Variants in TP53I13 observed in about 807,000 individuals in gnomAD.
TP53I13 encodes tumor protein p53-inducible protein 13.
TP53I13 carries 27 observed loss-of-function variants against 39.1 expected under a neutral mutation model. The observed-to-expected ratio is 0.69, with a 90% confidence interval of 0.51 to 0.95. The LOEUF (loss-of-function observed/expected upper bound fraction) is 0.95, where lower values mean the gene tolerates loss of function less well. TP53I13 is among the 40% of genes least tolerant of loss of function. The probability of loss-of-function intolerance (pLI) is 0.00; values close to 1 mark genes in which losing one functional copy is unlikely to be tolerated. For missense variants in TP53I13, 544 were observed against 520.4 expected, an observed-to-expected ratio of 1.05 and a Z score of -0.44; for synonymous variants, 230 against 224.6, an observed-to-expected ratio of 1.02 and a Z score of -0.22.
At chr17:29,581,900 A>G in the TP53I13 span, 2 of 1,391,614 alleles carry the variant, frequency 1.4e-6, no homozygotes, top group Non-Finnish European at 1.0e-6. This position sits in a 1 kb window ranked among gnomAD's most constrained non-coding sequence, Gnocchi z 4.8. Context: ...CCACCCACCC[A>G]CACTGCACCC....
chr17:29,581,609 G>A, the TP53I13 span: 1 of 735,772 alleles, frequency 1.4e-6, no homozygotes, highest in Non-Finnish European at 2.3e-6. The surrounding 1 kb of genome is among the most constrained non-coding windows in gnomAD (Gnocchi z 4.8). Flanking sequence ...AATTTCACAG[G>A]AGCCAGTTGC....
intron 4 of TP53I13, 45 bp from the exon 5 acceptor site, chr17:29,571,812 T>C: frequency 6.2e-7 from 1 of 1,612,698 alleles, no homozygotes; most frequent in South Asian, 1.1e-5. Context: ...TCCTCTTGTT[T>C]GTCCCCACCT....
Position 29,572,265 on chromosome 17 carries a change from C to T in TP53I13, c.637C>T (p.Pro213Ser), listed in dbSNP as rs1173493120. The T allele has an allele frequency of 6.2e-7, 1 of 1,612,690 alleles. No homozygotes were observed. Among genetic ancestry groups the T allele is most frequent in the Non-Finnish European group, 8.5e-7 (1 of 1,180,016 alleles). Residue 213 changes from proline to serine, a missense_variant, in exon 6 of 7, where the codon CCC becomes TCC. Physicochemically the swap from Pro to Ser is moderately conservative, Grantham distance 74 (BLOSUM62 -1). Transcript: ENST00000301057. ...KRRRLRAALGPQPTRSALRFP... is the reference protein window; with the variant it reads ...KRRRLRAALGSQPTRSALRFP... ...GCGGAGGCTGCGGGCTGCCCTTGGT[C>T]CCCAGCCCACTCGCTCAGCCCTGAG...
downstream of TP53I13, chr17:29,576,372 G>C: frequency 1.2e-6 from 2 of 1,613,470 alleles, no homozygotes; most frequent in African/African-American, 1.3e-5. Flanking sequence ...TGTTCCGCCC[G>C]TTCACTGGGG....
intron 3 of TP53I13, 76 bp downstream of exon 3, chr17:29,569,435 G>C: frequency 6.8e-7 from 1 of 1,461,408 alleles, no homozygotes; most frequent in Non-Finnish European, 9.4e-7. Flanking sequence ...TTCGCTGCCT[G>C]TTCTGCTGAT....
At chr17:29,577,316 A>C, downstream of TP53I13, 1 of 1,155,062 alleles carries the variant, frequency 8.7e-7, no homozygotes, top group South Asian at 1.3e-5. Context: ...GGCAGGGACC[A>C]AGTAGCAAGG....
chr17:29,566,959 G>T (rs760360923), upstream of TP53I13: 30 of 1,378,934 alleles, frequency 2.2e-5, no homozygotes, highest in South Asian at 5.1e-4. Flanking sequence ...GGCGCCCCAC[G>T]GCGGCATGGC....
the TP53I13 span, among the ~76,000 whole-genome samples, chr17:29,580,292 A>G: frequency 1.3e-5 from 2 of 152,216 alleles, no homozygotes; most frequent in East Asian, 3.9e-4. Flanking sequence ...GCATGCACAC[A>G]CAACCCAGGT....
At position 29,572,659 on chromosome 17, in the gene TP53I13, A is replaced by G; in HGVS notation, c.1031A>G (p.Tyr344Cys). 1.3e-6 allele frequency: 2 copies of G among 1,581,474 alleles called. No individual in the cohort carries two copies. Among genetic ancestry groups the G allele is most frequent in the Non-Finnish European group, 1.7e-6 (2 of 1,164,612 alleles). Residue 344 changes from tyrosine (Y) to cysteine (C), a missense_variant, in exon 6 of 7, where the codon TAC becomes TGC. Transcript: ENST00000301057. Reference sequence around the variant, plus strand: ...AACTTCCGACGCGGGGAGAGCATCTACTGGGGGCCCACAGCGGACAGCCAG... The same window carrying G: ...AACTTCCGACGCGGGGAGAGCATCTGCTGGGGGCCCACAGCGGACAGCCAG... ...HRNFRRGESI[Y>C]WGPTADSQDT... is the part of the protein sequence containing the mutation.
At position 29,572,690 on chromosome 17, in the gene TP53I13, A is replaced by G. The variant is rs1446271522; in HGVS notation, c.1062A>G (p.Thr354=). 8.4e-6 allele frequency: 13 copies of G among 1,550,700 alleles called. No individual in the cohort carries two copies. The highest frequency in any genetic ancestry group is 1.0e-5 in the Non-Finnish European group (12 of 1,147,218). ...GGCCCACAGCGGACAGCCAGGACACAGTGGCTGGTGAGGAGTTCCCTCCCT... is the reference window on the plus strand; with the variant it reads ...GGCCCACAGCGGACAGCCAGGACACGGTGGCTGGTGAGGAGTTCCCTCCCT... ...YWGPTADSQD[T]VAAVLKRRLL... is the part of the protein sequence containing the mutation. The change falls in exon 6 of 7, where the codon ACA becomes ACG. Residue 354 remains threonine (T), a synonymous_variant. Transcript: ENST00000301057.
the TP53I13 span, among the ~76,000 whole-genome samples, chr17:29,580,458 G>T: frequency 2.0e-5 from 3 of 152,208 alleles, no homozygotes; most frequent in Non-Finnish European, 4.4e-5. Flanking sequence ...GCACAGCCTG[G>T]CATGAGGACA....
At chr17:29,578,395 T>G in the TP53I13 span, 1 of 1,608,884 alleles carries the variant, frequency 6.2e-7, no homozygotes, top group East Asian at 2.2e-5. Context: ...GGGGCCCAGA[T>G]GTTGTCAGAT....
the TP53I13 span, chr17:29,579,366 T>TAA: frequency 1.0e-5 from 3 of 296,178 alleles, no homozygotes; most frequent in South Asian, 9.6e-5. Context: ...GGGTGATTTT[T>TAA]TGGATACACC....
downstream of TP53I13, chr17:29,575,398 T>C: frequency 6.2e-7 from 1 of 1,613,558 alleles, no homozygotes; most frequent in Non-Finnish European, 8.5e-7. The surrounding 1 kb of genome is among the most constrained non-coding windows in gnomAD (Gnocchi z 5.5). Flanking sequence ...GATCTAGGTC[T>C]CCATCCAGGC....
At chr17:29,569,132 G>GCCCA (rs1567760062) in intron 2 of TP53I13, 46 bp downstream of exon 2, 7 of 1,548,908 alleles carry the variant, frequency 4.5e-6, no homozygotes, top group Non-Finnish European at 5.3e-6. Flanking sequence ...TGAAAGGCTA[G>GCCCA]CCCAGTCCCG....
downstream of TP53I13, chr17:29,575,248 C>G: frequency 6.3e-7 from 1 of 1,584,978 alleles, no homozygotes; most frequent in South Asian, 1.1e-5. The surrounding 1 kb of genome is among the most constrained non-coding windows in gnomAD (Gnocchi z 5.5). Context: ...TAGAAGCCAA[C>G]AGGAACTGCA....
the TP53I13 span, chr17:29,578,478 G>T: frequency 9.7e-7 from 1 of 1,032,428 alleles, no homozygotes; most frequent in Non-Finnish European, 1.5e-6. Context: ...CCTTCCTTGT[G>T]CTGCCCAGCC....
chr17:29,576,991 G>A (rs760678265), downstream of TP53I13: 14 of 1,603,262 alleles, frequency 8.7e-6, no homozygotes, highest in Admixed American at 3.3e-5. Flanking sequence ...GACAGCTCGA[G>A]GTTGTCTGAG....
At chr17:29,568,665 C>CGCGGT, upstream of TP53I13, 1 of 431,740 alleles carries the variant, frequency 2.3e-6, no homozygotes, top group Non-Finnish European at 2.7e-6. The surrounding 1 kb of genome is among the most constrained non-coding windows in gnomAD (Gnocchi z 4.5). Context: ...GCGGCGCGGG[C>CGCGGT]GGCGCGGGGG....
Sources: gnomAD v4.1 joint callset for allele counts (sites outside exome capture counted in the v4.1 genomes callset) on GRCh38, gnomAD v4.1.1 for gene constraint, Gnocchi (gnomAD v3.1) non-coding constraint, MANE v1.5 for transcripts, NCBI Gene and HGNC (gene_info 2026-07-23, HGNC 2026-07-21) for gene names.